The following CTNNA2 variants were observed in gnomAD, a reference collection of about 807,000 sequenced individuals.
The protein encoded by CTNNA2 is catenin alpha 2, also known as catenin alpha-2.
In CTNNA2, 42 loss-of-function variants were observed where a neutral mutation model predicts 101.0. That is an observed-to-expected ratio of 0.42 (90% CI 0.32 to 0.54). The LOEUF (loss-of-function observed/expected upper bound fraction) is 0.54. CTNNA2 is among the 20% of genes least tolerant of loss of function. CTNNA2 has a pLI of 0.14. For synonymous variants in CTNNA2, 450 were observed against 456.4 expected (o/e 0.99, Z 0.18); for missense variants, 871 against 1,223.1 (o/e 0.71, Z 4.29).
chr2:79,665,764 GC>G lies in CTNNA2; in HGVS notation c.102+14107del, dbSNP rs376111045. 4.3e-3 allele frequency among the ~76,000 whole-genome samples: 661 copies of G among 152,102 alleles called. 3 individuals are homozygous for G. Among genetic ancestry groups the G allele is most frequent in the African/African-American group, 0.015 (604 of 41,508 alleles). On this transcript the variant is annotated intron_variant, in intron 2 of 18. Coordinates refer to ENST00000402739, the MANE Select transcript of CTNNA2 (RefSeq NM_001282597.3). ...ATAATGTTGCCATATTATTATCTGG[GC>G]TTAGAAAAAGGAAAGAGTAGGAAAC... is the stretch of plus-strand genomic sequence containing the variant.
At chr2:80,422,530 T>A (rs1426522573) in intron 9 of CTNNA2, among the ~76,000 whole-genome samples, 1 of 152,154 alleles carries the variant, frequency 6.6e-6, no homozygotes, top group African/African-American at 2.4e-5. Flanking sequence ...TGGATCTCAG[T>A]GGGGAAATTT....
intron 7 of CTNNA2, among the ~76,000 whole-genome samples, chr2:79,982,242 G>A (rs868139091): frequency 0.09 from 5,011 of 55,474 alleles, 544 homozygotes; most frequent in African/African-American, 0.27. Flanking sequence ...ATATATATAT[G>A]TATGTATATG....
chr2:80,608,879 C>A (rs560664430), intron 17 of CTNNA2, among the ~76,000 whole-genome samples: 2 of 151,946 alleles, frequency 1.3e-5, no homozygotes, highest in African/African-American at 2.4e-5. Flanking sequence ...ATTATATATT[C>A]TTTGCTCAAT....
intron 7 of CTNNA2, among the ~76,000 whole-genome samples, chr2:80,031,621 C>T (rs114672468): frequency 0.023 from 3,520 of 152,184 alleles, 67 homozygotes; most frequent in Non-Finnish European, 0.035. Flanking sequence ...GTTGGGGACA[C>T]GGCCAAACTA....
intron 7 of CTNNA2, among the ~76,000 whole-genome samples, chr2:80,163,763 A>G (rs922978096): frequency 7.2e-5 from 11 of 152,048 alleles, no homozygotes; most frequent in Non-Finnish European, 1.2e-4. Context: ...TTTCAGTTCT[A>G]TCAGTTTTTG....
At chr2:79,483,671 A>G (rs546687677) in intron 4 of CTNNA2, among the ~76,000 whole-genome samples, 3 of 152,150 alleles carry the variant, frequency 2.0e-5, no homozygotes, top group Non-Finnish European at 2.9e-5. Flanking sequence ...TTGGTTTTCC[A>G]TTCCTGGGTT....
At chr2:79,369,669 C>T (rs770157315) in intron 3 of CTNNA2, among the ~76,000 whole-genome samples, 2 of 152,188 alleles carry the variant, frequency 1.3e-5, no homozygotes, top group Non-Finnish European at 2.9e-5. Flanking sequence ...GCAACTTCTA[C>T]TTTCATCAGA....
intron 7 of CTNNA2, among the ~76,000 whole-genome samples, chr2:80,232,264 C>T (rs1333885784): frequency 2.7e-5 from 4 of 149,532 alleles, no homozygotes; most frequent in Admixed American, 2.0e-4. Flanking sequence ...TGTTACAGGT[C>T]ATCGTCCTCA....
intron 2 of CTNNA2, among the ~76,000 whole-genome samples, chr2:79,735,103 A>G (rs183429645): frequency 6.6e-6 from 1 of 152,230 alleles, no homozygotes; most frequent in Admixed American, 6.5e-5. Context: ...TGGACTGAAC[A>G]TCCTTAAGCA....
At chr2:79,796,367 C>T (rs1418763982) in intron 3 of CTNNA2, among the ~76,000 whole-genome samples, 2 of 139,496 alleles carry the variant, frequency 1.4e-5, no homozygotes, top group African/African-American at 5.7e-5. Context: ...TGCATTCCAG[C>T]CTAGGCGACA....
chr2:80,632,874 C>T (rs1258504031), intron 18 of CTNNA2, among the ~76,000 whole-genome samples: 1 of 152,126 alleles, frequency 6.6e-6, no homozygotes, highest in Non-Finnish European at 1.5e-5. Context: ...CAGAATAACT[C>T]ACAAAAGTAT....
intron 9 of CTNNA2, among the ~76,000 whole-genome samples, chr2:80,433,374 G>C (rs1282095757): frequency 6.6e-6 from 1 of 152,010 alleles, no homozygotes; most frequent in Non-Finnish European, 1.5e-5. Flanking sequence ...ACCCCTCCAG[G>C]TAAGGTTCAC....
chr2:79,234,066 T>TA (rs1215331912), intron 2 of CTNNA2, among the ~76,000 whole-genome samples: 7 of 151,062 alleles, frequency 4.6e-5, no homozygotes, highest in Non-Finnish European at 8.8e-5. Context: ...ATACAAGATT[T>TA]TGATCCTGTC....
At chr2:80,568,985 G>GC (rs1558597467) in intron 12 of CTNNA2, among the ~76,000 whole-genome samples, 1 of 152,172 alleles carries the variant, frequency 6.6e-6, no homozygotes, top group East Asian at 1.9e-4. Flanking sequence ...AATACTTAAA[G>GC]CAGGGGTAAG....
chr2:80,621,848 G>C (rs1186040108), intron 18 of CTNNA2, among the ~76,000 whole-genome samples: 2 of 151,896 alleles, frequency 1.3e-5, no homozygotes, highest in Non-Finnish European at 2.9e-5. Flanking sequence ...CGACTTGGAA[G>C]TGAATACAGT....
intron 2 of CTNNA2, among the ~76,000 whole-genome samples, chr2:79,713,280 C>G (rs902681318): frequency 6.6e-6 from 1 of 151,964 alleles, no homozygotes; most frequent in African/African-American, 2.4e-5. Flanking sequence ...ATCATTTGGT[C>G]GTTCTAAAAA....
intron 7 of CTNNA2, among the ~76,000 whole-genome samples, chr2:79,993,124 A>G (rs1159647604): frequency 6.6e-6 from 1 of 152,222 alleles, no homozygotes; most frequent in Non-Finnish European, 1.5e-5. Flanking sequence ...AATGTCACAG[A>G]GTGGTTACTT....
chr2:80,625,576 A>C (rs1671599191), intron 18 of CTNNA2, among the ~76,000 whole-genome samples: 1 of 152,068 alleles, frequency 6.6e-6, no homozygotes, highest in Non-Finnish European at 1.5e-5. Flanking sequence ...TATTTCTCTC[A>C]ACTAGTCTGT....
chr2:80,377,778 C>T (rs537903662), intron 7 of CTNNA2, among the ~76,000 whole-genome samples: 2 of 152,078 alleles, frequency 1.3e-5, no homozygotes, highest in African/African-American at 4.8e-5. Context: ...GACACATGGC[C>T]GGATAGGTAG....
Sources: allele counts gnomAD v4.1 joint callset (sites outside exome capture counted in the v4.1 genomes callset), GRCh38; gene constraint gnomAD v4.1.1; transcripts MANE v1.5; gene names NCBI Gene and HGNC (gene_info 2026-07-23, HGNC 2026-07-21).